Variants in ZNF717 observed in about 807,000 individuals in gnomAD.
ZNF717 encodes krueppel-like factor X17.
ZNF717 carries 9 observed loss-of-function variants against 13.8 expected under a neutral mutation model. The ratio of observed to expected loss-of-function variants is 0.65; its 90% CI spans 0.39 to 1.14. ZNF717 has a LOEUF of 1.14. Ranked by LOEUF, ZNF717 falls within the 50% of genes most tolerant of loss-of-function variation. The pLI, the probability that ZNF717 is intolerant of heterozygous loss-of-function variation, is 0.01. For synonymous variants in ZNF717, 327 were observed against 364.1 expected, an observed-to-expected ratio of 0.90 and a Z score of 1.16; for missense variants, 1,040 against 1,080.7, an observed-to-expected ratio of 0.96 and a Z score of 0.53.
At chr3:75,700,774 A>G (rs202072110) in intron 6 of ZNF717, among the ~76,000 whole-genome samples, 525 of 152,390 alleles carry the variant, frequency 3.4e-3, no homozygotes, top group African/African-American at 0.012. Flanking sequence ...TTCTTGCCAC[A>G]TACAAAAATC....
At position 75,738,489 on chromosome 3, in the gene ZNF717, A is replaced by T. The variant is rs1175034028; in HGVS notation, c.1134T>A (p.Cys378Ter). 2.0e-6 allele frequency: 3 copies of T among 1,531,718 alleles called. No individual in the cohort carries two copies. The highest frequency in any genetic ancestry group is 1.2e-5 in the South Asian group (1 of 83,210). 94.9% of individuals were successfully genotyped at this position (1,531,718 alleles called of 1,614,324 possible). A position where few individuals can be genotyped will look rare whatever the true frequency, so the allele number is the denominator to read the frequency against. Residue 378 changes from cysteine (C) to a stop codon, truncating the protein, a stop_gained, in exon 5 of 5, where the codon TGT becomes TGA. Transcript: ENST00000652011. LOFTEE classifies it low-confidence loss of function (END_TRUNC). Reference protein sequence around the residue: ...KCIECGKTFHCKSLLTLHHRT... With the variant: ...KCIECGKTFH ...TGTGATGTAAAGTGAGAAGTGACTT[A>T]CAGTGAAAAGTTTTTCCACATTCAA...
intron 2 of ZNF717, among the ~76,000 whole-genome samples, chr3:75,777,698 CAA>C (rs1474161328): frequency 6.6e-6 from 1 of 150,412 alleles, no homozygotes; most frequent in Non-Finnish European, 1.5e-5. Flanking sequence ...AACCAGAACC[CAA>C]AATAATGGGA....
Position 75,736,777 on chromosome 3 carries a change from T to A in ZNF717, c.*101A>T. ...TTACAGCATGGTTAAGACCTTCTTG[T>A]TGGTAGGCCAGGAGGTAATGGTCAC... On this transcript the variant is annotated 3_prime_UTR_variant, in exon 5 of 5. Transcript: ENST00000652011. The A allele has an allele frequency of 7.8e-7, 1 of 1,289,634 alleles. No individual in the cohort carries two copies. The allele number at this position is 1,289,634 out of a possible 1,614,324, so 79.9% of individuals were successfully genotyped here.
At chr3:75,696,918 CAAG>C (rs1937610269) in intron 6 of ZNF717, among the ~76,000 whole-genome samples, 1 of 15,412 alleles carries the variant, frequency 6.5e-5, no homozygotes, top group African/African-American at 1.9e-4. Context: ...AAAAAAAAAA[CAAG>C]GACAAAATCC....
chr3:75,779,811 G>T (rs2107730569), intron 2 of ZNF717, among the ~76,000 whole-genome samples: 1 of 150,900 alleles, frequency 6.6e-6, no homozygotes, highest in Admixed American at 6.6e-5. Flanking sequence ...AAAACCATGG[G>T]AGTGTCGTGC....
intron 1 of ZNF717, among the ~76,000 whole-genome samples, chr3:75,783,964 CTGACAA>C (rs1450906752): frequency 6.6e-6 from 1 of 152,180 alleles, no homozygotes; most frequent in African/African-American, 2.4e-5. Flanking sequence ...ATATTATGCT[CTGACAA>C]TAAATTGGGC....
At chr3:75,730,941 T>G (rs1426514529), downstream of ZNF717, among the ~76,000 whole-genome samples, 82 of 152,362 alleles carry the variant, frequency 5.4e-4, no homozygotes, top group East Asian at 0.015. Context: ...GATTTCTGCA[T>G]GTAAGAAGCT....
chr3:75,735,288 T>G (rs1460657886), downstream of ZNF717, among the ~76,000 whole-genome samples: 3 of 152,192 alleles, frequency 2.0e-5, no homozygotes, highest in Non-Finnish European at 4.4e-5. Flanking sequence ...GAAGGTGGAC[T>G]TGGATTTGTT....
intron 2 of ZNF717, among the ~76,000 whole-genome samples, chr3:75,771,258 T>A (rs1575948271): frequency 6.6e-6 from 1 of 152,198 alleles, no homozygotes; most frequent in Admixed American, 6.5e-5. Flanking sequence ...AGAACTGTAA[T>A]GGACCCAGTT....
chr3:75,734,232 C>T (rs1938874673), downstream of ZNF717, among the ~76,000 whole-genome samples: 1 of 151,820 alleles, frequency 6.6e-6, no homozygotes, highest in South Asian at 2.1e-4. Context: ...CCACGCCTGG[C>T]TAATTTTTTT....
Position 75,737,695 on chromosome 3 carries a change from C to G in ZNF717, c.1928G>C (p.Gly643Ala). 6.5e-7 allele frequency: 1 copy of G among 1,545,136 alleles called. No homozygotes were observed. Among genetic ancestry groups the G allele is most frequent in the Non-Finnish European group, 8.8e-7 (1 of 1,142,496 alleles). ...NLSTHQGTHT[G>A]EKPYVCNECG... ...TTCATTACATACGTAAGGTTTCTCT[C>G]CTGTGTGAGTTCCCTGATGGGTGCT... The change falls in exon 5 of 5, where the codon GGA becomes GCA. Residue 643 changes from glycine to alanine, a missense_variant. Gly to Ala is a moderately conservative substitution (Grantham distance 60). Transcript: ENST00000652011.
At chr3:75,751,218 T>C (rs1318673233) in intron 2 of ZNF717, among the ~76,000 whole-genome samples, 1 of 151,996 alleles carries the variant, frequency 6.6e-6, no homozygotes, top group African/African-American at 2.4e-5. Context: ...GTCTGAATGC[T>C]TGTCCCTCAC....
At chr3:75,732,691 T>C (rs1938679856), downstream of ZNF717, among the ~76,000 whole-genome samples, 1 of 46,464 alleles carries the variant, frequency 2.2e-5, no homozygotes, top group South Asian at 5.3e-4. Context: ...AATAAATTTC[T>C]GTTGTTTACA....
chr3:75,716,873 C>A (rs1434671242), intron 4 of ZNF717, among the ~76,000 whole-genome samples: 1 of 152,164 alleles, frequency 6.6e-6, no homozygotes, highest in African/African-American at 2.4e-5. Context: ...TCTGAGAAAG[C>A]CAGTTTTCAT....
Position 75,738,852 on chromosome 3 carries a change from A to C in ZNF717, c.771T>G (p.Thr257=). The change falls in exon 5 of 5, where the codon ACT becomes ACG. Residue 257 remains threonine (T), a synonymous_variant. Coordinates refer to ENST00000652011, the MANE Select transcript of ZNF717 (RefSeq NM_001290208.3). The part of the protein sequence containing the change: ...NNSAVIVQVI[T]QVGQPTCCRK... ...TACAGCAAGTTGGCTGTCCTACCTG[A>C]GTTATCACTTGGACAATAACAGCTG... 6.4e-7 allele frequency: 1 copy of C among 1,551,598 alleles called. No homozygotes were observed. The highest frequency in any genetic ancestry group is 8.7e-7 in the Non-Finnish European group (1 of 1,147,012).
chr3:75,764,263 G>A (rs886734779), intron 2 of ZNF717, among the ~76,000 whole-genome samples: 15 of 152,134 alleles, frequency 9.9e-5, no homozygotes, highest in African/African-American at 2.2e-4. Context: ...GATGGGAGCC[G>A]TGAAACACAA....
At chr3:75,767,274 C>CA (rs1943554265) in intron 2 of ZNF717, among the ~76,000 whole-genome samples, 1 of 152,258 alleles carries the variant, frequency 6.6e-6, no homozygotes, top group African/African-American at 2.4e-5. Flanking sequence ...ACCCTGCACA[C>CA]CACACCGCTG....
chr3:75,776,908 C>T (rs1046968923), intron 2 of ZNF717, among the ~76,000 whole-genome samples: 5 of 142,338 alleles, frequency 3.5e-5, no homozygotes, highest in Non-Finnish European at 7.9e-5. Flanking sequence ...AACAAAAAAC[C>T]GACTTAGTTA....
At chr3:75,750,106 G>C (rs1941596754) in intron 2 of ZNF717, among the ~76,000 whole-genome samples, 1 of 150,964 alleles carries the variant, frequency 6.6e-6, no homozygotes, top group Non-Finnish European at 1.5e-5. Flanking sequence ...CTGCTGCTAG[G>C]GTCTGAATGT....
Sources: gnomAD v4.1 joint callset for allele counts (sites outside exome capture counted in the v4.1 genomes callset) on GRCh38, gnomAD v4.1.1 for gene constraint, MANE v1.5 for transcripts, NCBI Gene and HGNC (gene_info 2026-07-23, HGNC 2026-07-21) for gene names.